Variants in CCSER2 observed in about 807,000 individuals in gnomAD.
CCSER2 encodes the protein coiled-coil serine rich protein 2.
Under a neutral mutation model 92.3 loss-of-function variants are expected in CCSER2, and 46 were observed. The observed-to-expected ratio is 0.50, with a 90% CI of 0.39 to 0.64. CCSER2 has a LOEUF of 0.64. Ranked by LOEUF, CCSER2 falls within the 30% of genes least tolerant of loss-of-function variation. The probability of loss-of-function intolerance (pLI) is 0.00; values close to 1 mark genes in which losing one functional copy is unlikely to be tolerated. For synonymous variants in CCSER2, 433 were observed against 431.4 expected (o/e 1.00, Z -0.04); for missense variants, 1,244 against 1,238.9 (o/e 1.00, Z -0.06).
chr10:84,416,101 T>C (rs1227702507), intron 3 of CCSER2, among the ~76,000 whole-genome samples: 1 of 152,238 alleles, frequency 6.6e-6, no homozygotes, highest in Non-Finnish European at 1.5e-5. Flanking sequence ...GATCTCCTTA[T>C]CCTCTGGTTG....
At chr10:84,385,188 A>G (rs1264733678) in intron 3 of CCSER2, among the ~76,000 whole-genome samples, 1 of 152,218 alleles carries the variant, frequency 6.6e-6, no homozygotes, top group Admixed American at 6.5e-5. Flanking sequence ...GCTCAAAGTA[A>G]TCTACAGATT....
chr10:84,438,741 T>C, intron 6 of CCSER2, 34 bp downstream of exon 6: 1 of 1,314,146 alleles, frequency 7.6e-7, no homozygotes, highest in Non-Finnish European at 1.0e-6. Flanking sequence ...AGCTCTGATA[T>C]TTTGAATTGC....
At chr10:84,331,688 G>A (rs903911312) in intron 1 of CCSER2, among the ~76,000 whole-genome samples, 14 of 152,170 alleles carry the variant, frequency 9.2e-5, no homozygotes, top group African/African-American at 3.4e-4. Context: ...ACTTAGTGGT[G>A]TGGGCCTGAC....
At chr10:84,440,454 G>A (rs1381181166) in intron 6 of CCSER2, among the ~76,000 whole-genome samples, 1 of 151,908 alleles carries the variant, frequency 6.6e-6, no homozygotes, top group Non-Finnish European at 1.5e-5. Context: ...AATGTGATAC[G>A]TATATATAGT....
chr10:84,500,847 C>CA (rs1848684306), intron 9 of CCSER2, among the ~76,000 whole-genome samples: 1 of 151,986 alleles, frequency 6.6e-6, no homozygotes, highest in South Asian at 2.1e-4. Context: ...TCAAAGGTGT[C>CA]AAAGGAGGAA....
At chr10:84,404,373 A>G (rs982904529) in intron 3 of CCSER2, among the ~76,000 whole-genome samples, 2 of 152,182 alleles carry the variant, frequency 1.3e-5, no homozygotes, top group African/African-American at 2.4e-5. Context: ...CCTTTGACCT[A>G]TTGCTCCCAT....
intron 6 of CCSER2, among the ~76,000 whole-genome samples, chr10:84,442,867 GA>G (rs972176690): frequency 1.5e-4 from 23 of 152,100 alleles, no homozygotes; most frequent in African/African-American, 5.6e-4. Flanking sequence ...TCTGACCTTT[GA>G]CAAACCTGAC....
rs186830757 is a variant in CCSER2 at position 84,440,917 on chromosome 10, T to C, written c.2064+2210T>C. Among the ~76,000 whole-genome samples the C allele has an allele frequency of 9.2e-5, 14 of 152,364 alleles. No individual in the cohort carries two copies. The East Asian group carries it at 2.7e-3, about 29-fold the overall frequency. On this transcript the variant is annotated intron_variant, in intron 6 of 9. Coordinates refer to ENST00000372088, the MANE Select transcript of CCSER2 (RefSeq NM_001284240.2). ...GAACAGTCTACTACATTCTGATCCA[T>C]TGTACATTGTGTTTTGCCTGTTTTT...
rs937476235 is a variant in CCSER2, at chr10:84,515,621, T to A, written c.*1354T>A. The A allele has an allele frequency of 6.6e-6, 1 of 152,180 alleles. No homozygotes were observed. The highest frequency in any genetic ancestry group is 2.4e-5 in the African/African-American group (1 of 41,436). The allele number at this position is 152,180 out of a possible 1,614,324, so 9.4% of individuals were successfully genotyped here. A position where few individuals can be genotyped will look rare whatever the true frequency, so the allele number is the denominator to read the frequency against. ...CATGCCTGGCTAATTTTTTTGTATT[T>A]TTAGTAGAGATGAGATTTCACCTTG... On this transcript the variant is annotated 3_prime_UTR_variant, in exon 10 of 10. Transcript: ENST00000372088.
chr10:84,481,534 G>T (rs1280956744), intron 9 of CCSER2, among the ~76,000 whole-genome samples: 1 of 152,074 alleles, frequency 6.6e-6, no homozygotes, highest in Non-Finnish European at 1.5e-5. Context: ...GTTTGGTTTG[G>T]TTATTATTTG....
At chr10:84,500,931 C>T (rs768174847) in intron 9 of CCSER2, among the ~76,000 whole-genome samples, 15 of 152,112 alleles carry the variant, frequency 9.9e-5, no homozygotes, top group Non-Finnish European at 1.5e-4. Flanking sequence ...TATGAGGTAT[C>T]GACATGAATT....
At chr10:84,409,283 G>A (rs1161702188) in intron 3 of CCSER2, among the ~76,000 whole-genome samples, 1 of 151,210 alleles carries the variant, frequency 6.6e-6, no homozygotes, top group African/African-American at 2.4e-5. Context: ...GAGCCACCGC[G>A]CCTGGCCTAT....
At chr10:84,416,516 C>A (rs1248472079) in intron 3 of CCSER2, among the ~76,000 whole-genome samples, 1 of 152,084 alleles carries the variant, frequency 6.6e-6, no homozygotes, top group Non-Finnish European at 1.5e-5. Flanking sequence ...TTTCTAGTTA[C>A]TTTTAGTCTT....
At position 84,372,357 on chromosome 10, in the gene CCSER2, T is replaced by C. The variant is rs755915975; in HGVS notation, c.1305T>C (p.Ser435=). 1.9e-6 allele frequency: 3 copies of C among 1,612,350 alleles called. No homozygotes were observed. In the Admixed American group the frequency reaches 5.0e-5, roughly 27 times the overall value. ...NRTRITPEEM[S]LKEEKHENGP... is the part of the protein sequence containing the mutation. ...CTAGAATAACTCCAGAGGAAATGTCTCTCAAAGAAGAGAAACATGAAAATG... is the reference window on the plus strand; with the variant it reads ...CTAGAATAACTCCAGAGGAAATGTCCCTCAAAGAAGAGAAACATGAAAATG... The change falls in exon 2 of 10, where the codon TCT becomes TCC. Residue 435 remains serine, a synonymous_variant. Transcript: ENST00000372088.
chr10:84,493,731 T>TG (rs1029994878), intron 9 of CCSER2, among the ~76,000 whole-genome samples: 2 of 152,168 alleles, frequency 1.3e-5, no homozygotes, highest in Admixed American at 1.3e-4. Context: ...TTTCCACAGA[T>TG]GGGGAGAGGG....
Position 84,372,347 on chromosome 10 carries a change from A to T in CCSER2, c.1295A>T (p.Glu432Val). The T allele has an allele frequency of 6.2e-7, 1 of 1,612,264 alleles. No homozygotes were observed. The highest frequency in any genetic ancestry group is 8.5e-7 in the Non-Finnish European group (1 of 1,178,786). ...TCCAACAGAACTAGAATAACTCCAG[A>T]GGAAATGTCTCTCAAAGAAGAGAAA... ...EDSNRTRITP[E>V]EMSLKEEKHE... Residue 432 changes from glutamate to valine, a missense_variant, in exon 2 of 10, where the codon GAG becomes GTG. Glu to Val is a moderately radical substitution (Grantham distance 121). Transcript: ENST00000372088.
chr10:84,472,738 G>A (rs543386281), intron 8 of CCSER2, among the ~76,000 whole-genome samples: 6 of 152,136 alleles, frequency 3.9e-5, no homozygotes, highest in South Asian at 2.1e-4. Flanking sequence ...TTTTTATGCC[G>A]TGAAGTTTTG....
chr10:84,364,162 G>C (rs936403070), intron 1 of CCSER2, among the ~76,000 whole-genome samples: 3 of 152,204 alleles, frequency 2.0e-5, no homozygotes, highest in African/African-American at 7.2e-5. Flanking sequence ...GTTAGTGAGT[G>C]AGTGGTGAGT....
At chr10:84,484,490 C>CGTGTGTGTGTGTGTGTGT (rs143391336) in intron 9 of CCSER2, among the ~76,000 whole-genome samples, 6 of 147,396 alleles carry the variant, frequency 4.1e-5, no homozygotes, top group African/African-American at 1.5e-4. Flanking sequence ...TGTGCATGCA[C>CGTGTGTGTGTGTGTGTGT]GTGTGTGTGT....
Sources: gnomAD v4.1 joint callset for allele counts (sites outside exome capture counted in the v4.1 genomes callset) on GRCh38, gnomAD v4.1.1 for gene constraint, MANE v1.5 for transcripts, NCBI Gene and HGNC (gene_info 2026-07-23, HGNC 2026-07-21) for gene names.